Variants in ZDHHC11 observed in about 807,000 individuals in gnomAD.
ZDHHC11 encodes palmitoyltransferase ZDHHC11.
ZDHHC11 carries 44 observed loss-of-function variants against 51.3 expected under a neutral mutation model. That is an observed-to-expected ratio of 0.86 (90% CI 0.67 to 1.10). ZDHHC11 has a LOEUF of 1.10. Ranked by LOEUF, ZDHHC11 falls within the 50% of genes least tolerant of loss-of-function variation. The probability of loss-of-function intolerance (pLI) is 0.00; values close to 1 mark genes in which losing one functional copy is unlikely to be tolerated. For synonymous variants in ZDHHC11, 163 were observed against 222.0 expected (o/e 0.73, Z 2.36); for missense variants, 400 against 537.7 (o/e 0.74, Z 2.53).
chr5:838,795 C>G (rs1744313268), intron 5 of ZDHHC11, among the ~76,000 whole-genome samples: 2 of 151,622 alleles, frequency 1.3e-5, no homozygotes, highest in African/African-American at 4.9e-5. Flanking sequence ...CACTTCCCTG[C>G]TCTGCCGCCT....
chr5:817,967 G>A lies in ZDHHC11; in HGVS notation c.1146+1558C>T, dbSNP rs539168935. Among the ~76,000 whole-genome samples the A allele has an allele frequency of 2.6e-5, 4 of 151,292 alleles. 1 individual carries two copies. Among genetic ancestry groups the A allele is most frequent in the South Asian group, 2.1e-4 (1 of 4,782 alleles). On this transcript the variant is annotated intron_variant, in intron 10 of 12. Coordinates refer to ENST00000283441, the MANE Select transcript of ZDHHC11 (RefSeq NM_024786.3). ...CAGCACAGGGCTGTGCCACGGACGC[G>A]GGTGTCAGTGAAGTCACGTGCATTT...
At chr5:803,196 T>C (rs1738739101) in intron 11 of ZDHHC11, among the ~76,000 whole-genome samples, 1 of 151,204 alleles carries the variant, frequency 6.6e-6, no homozygotes, top group Admixed American at 6.6e-5. Flanking sequence ...TCAATAAATT[T>C]GAGGTGGTAC....
chr5:804,980 T>G (rs866444744), intron 11 of ZDHHC11, among the ~76,000 whole-genome samples: 42 of 151,576 alleles, frequency 2.8e-4, no homozygotes, highest in East Asian at 1.3e-3. Context: ...ATTGTACTTT[T>G]GGTTTGTAAC....
chr5:798,364 C>T (rs1297853143), intron 12 of ZDHHC11, among the ~76,000 whole-genome samples: 7 of 151,348 alleles, frequency 4.6e-5, no homozygotes, highest in Non-Finnish European at 8.8e-5. Context: ...TTCATTAATG[C>T]CTTTAAGAAT....
intron 10 of ZDHHC11, chr5:817,123 A>G (rs1200472737): frequency 6.3e-6 from 1 of 158,542 alleles, no homozygotes; most frequent in Non-Finnish European, 1.4e-5. Context: ...ATTTTACTCT[A>G]TTCTGGATAC....
chr5:859,691 C>A (rs893190159), upstream of ZDHHC11, among the ~76,000 whole-genome samples: 1 of 152,172 alleles, frequency 6.6e-6, no homozygotes, highest in East Asian at 1.9e-4. Flanking sequence ...CTCAGGAATT[C>A]GGTCACTGGC....
intron 6 of ZDHHC11, among the ~76,000 whole-genome samples, chr5:836,970 C>T (rs1167519942): frequency 6.6e-6 from 1 of 151,188 alleles, no homozygotes; most frequent in African/African-American, 2.4e-5. Flanking sequence ...GGTAGGCAAA[C>T]TGTTTGAACC....
upstream of ZDHHC11, among the ~76,000 whole-genome samples, chr5:860,152 G>A (rs1439909428): frequency 2.6e-5 from 4 of 152,196 alleles, no homozygotes; most frequent in Admixed American, 6.5e-5. The surrounding 1 kb of genome is among the most constrained non-coding windows in gnomAD (Gnocchi z 4.2). Flanking sequence ...GGGCTGGGGC[G>A]GGTGCCCAGG....
intron 1 of ZDHHC11, among the ~76,000 whole-genome samples, chr5:858,745 A>C (rs1748624015): frequency 6.6e-6 from 1 of 152,006 alleles, no homozygotes; most frequent in Non-Finnish European, 1.5e-5. Context: ...GCCCCTCATA[A>C]GACAAATCCT....
At chr5:812,626 G>T (rs1234883794) in intron 11 of ZDHHC11, among the ~76,000 whole-genome samples, 1 of 151,402 alleles carries the variant, frequency 6.6e-6, no homozygotes, top group East Asian at 1.9e-4. Context: ...TTTTGGTAAA[G>T]TAAGTAAAAA....
intron 6 of ZDHHC11, among the ~76,000 whole-genome samples, chr5:834,720 A>G (rs1232612555): frequency 1.3e-5 from 2 of 152,306 alleles, no homozygotes; most frequent in African/African-American, 4.8e-5. Flanking sequence ...ACCCTGGTCA[A>G]GCAAGTATGT....
Position 801,164 on chromosome 5 carries a change from C to G in ZDHHC11, c.1182G>C (p.Gly394=), listed in dbSNP as rs1445332579. 1.9e-6 allele frequency: 3 copies of G among 1,610,844 alleles called. No homozygotes were observed. In the East Asian group the frequency reaches 6.7e-5, roughly 36 times the overall value. ...ADDAPSISTL[G]LQQETTEPMK... is the part of the protein sequence containing the mutation. ...TGGGCTCTGTTGTTTCTTGTTGCAG[C>G]CTGTTTGCAATATTCAGAAAGAGAA... Residue 394 remains glycine (G), a splice_region_variant and synonymous_variant, in exon 12 of 13, where the codon GGG becomes GGC. Coordinates refer to ENST00000283441, the MANE Select transcript of ZDHHC11 (RefSeq NM_024786.3).
intron 4 of ZDHHC11, chr5:840,886 G>T: frequency 2.1e-6 from 3 of 1,425,252 alleles, no homozygotes; most frequent in Non-Finnish European, 2.8e-6. Flanking sequence ...CTCCAACATT[G>T]TCACTAAGTG....
chr5:840,592 C>T lies in ZDHHC11; in HGVS notation c.687G>A (p.Gln229=). Residue 229 remains glutamine, a synonymous_variant, in exon 5 of 13, where the codon CAG becomes CAA. Coordinates refer to ENST00000283441, the MANE Select transcript of ZDHHC11 (RefSeq NM_024786.3). ...TCCCGATGATCACGACTATCAGGGT[C>T]TGCACCTGCACCGGGAACAGGGGGA... ...LFLPLFPVQV[Q]TLIVVIIGML... The T allele has an allele frequency of 6.2e-7, 1 of 1,613,936 alleles. No individual in the cohort carries two copies. Among genetic ancestry groups the T allele is most frequent in the Non-Finnish European group, 8.5e-7 (1 of 1,179,878 alleles).
At chr5:841,980 C>A in intron 4 of ZDHHC11, 1 of 989,326 alleles carries the variant, frequency 1.0e-6, no homozygotes, top group Non-Finnish European at 1.2e-6. Context: ...CTGGGCCGGG[C>A]TGGACCCCAT....
chr5:834,917 A>C lies in ZDHHC11; in HGVS notation c.901-1110T>G, dbSNP rs866441059. Among the ~76,000 whole-genome samples, 1,213 of 151,966 alleles carry C rather than the reference A, an allele frequency of 8.0e-3. 12 individuals are homozygous for C. Among genetic ancestry groups the C allele is most frequent in the African/African-American group, 0.028 (1,141 of 41,404 alleles). On this transcript the variant is annotated intron_variant, in intron 6 of 12. Coordinates refer to ENST00000283441, the MANE Select transcript of ZDHHC11 (RefSeq NM_024786.3). ...TGTGACTTGTTTTACTGACATGTTT[A>C]CTTTATTGTGGCTTTCTAAAACCAA... is the stretch of plus-strand genomic sequence containing the variant.
chr5:820,528 G>A (rs1561251462), intron 9 of ZDHHC11, among the ~76,000 whole-genome samples: 1 of 151,396 alleles, frequency 6.6e-6, no homozygotes. Flanking sequence ...CCAGGAAGCT[G>A]TGGGCTGAGC....
intron 7 of ZDHHC11, among the ~76,000 whole-genome samples, chr5:827,827 G>C (rs1742492145): frequency 6.6e-6 from 1 of 150,556 alleles, no homozygotes; most frequent in Non-Finnish European, 1.5e-5. Context: ...GTGGAGGGAA[G>C]GTCAACAGAA....
At chr5:854,990 CA>C (rs1048798007), upstream of ZDHHC11, among the ~76,000 whole-genome samples, 10 of 139,354 alleles carry the variant, frequency 7.2e-5, no homozygotes, top group Non-Finnish European at 1.1e-4. Context: ...GACAGCGAGC[CA>C]GGGGGACAGA....
Sources: gnomAD v4.1 joint callset for allele counts (sites outside exome capture counted in the v4.1 genomes callset) on GRCh38, gnomAD v4.1.1 for gene constraint, Gnocchi (gnomAD v3.1) non-coding constraint, MANE v1.5 for transcripts, NCBI Gene and HGNC (gene_info 2026-07-23, HGNC 2026-07-21) for gene names.